AGBL4: variants seen among roughly 807,000 people sequenced by gnomAD.
AGBL4 encodes the protein AGBL carboxypeptidase 4, also known as cytosolic carboxypeptidase 6.
A neutral mutation model predicts 66.4 loss-of-function variants in AGBL4; 58 were observed. The observed-to-expected ratio is 0.87, with a 90% CI of 0.71 to 1.09. The LOEUF is 1.09. Ranked by LOEUF, AGBL4 falls within the 50% of genes least tolerant of loss-of-function variation. AGBL4 has a pLI of 0.00. For synonymous variants in AGBL4, 234 were observed against 222.9 expected (o/e 1.05, Z -0.44); for missense variants, 579 against 631.0 (o/e 0.92, Z 0.88).
chr1:49,918,161 C>T (rs1170491818), intron 1 of AGBL4, among the ~76,000 whole-genome samples: 2 of 152,042 alleles, frequency 1.3e-5, no homozygotes, highest in African/African-American at 4.8e-5. Context: ...ATCCTAACAT[C>T]ACAATTGAAA....
At chr1:48,565,363 G>A (rs1644460294) in intron 11 of AGBL4, among the ~76,000 whole-genome samples, 1 of 152,172 alleles carries the variant, frequency 6.6e-6, no homozygotes, top group Non-Finnish European at 1.5e-5. Context: ...GACAGGAAGT[G>A]GAGCTGGGCT....
intron 5 of AGBL4, among the ~76,000 whole-genome samples, chr1:49,022,776 A>C (rs1239020577): frequency 1.3e-5 from 2 of 152,206 alleles, no homozygotes; most frequent in Non-Finnish European, 2.9e-5. Context: ...ATAGGTATTA[A>C]TAAGGTGTAT....
intron 5 of AGBL4, among the ~76,000 whole-genome samples, chr1:48,914,388 C>T (rs1274622276): frequency 6.6e-6 from 1 of 151,760 alleles, no homozygotes; most frequent in East Asian, 1.9e-4. Flanking sequence ...TTGAGTGGGG[C>T]AGATGCCAAT....
chr1:49,548,410 G>T (rs1292730159), intron 3 of AGBL4, among the ~76,000 whole-genome samples: 2 of 152,118 alleles, frequency 1.3e-5, no homozygotes, highest in Non-Finnish European at 2.9e-5. Flanking sequence ...TTGGCTGTGG[G>T]TTTGTCATAG....
intron 9 of AGBL4, among the ~76,000 whole-genome samples, chr1:48,614,665 G>T (rs962073184): frequency 6.6e-6 from 1 of 152,166 alleles, no homozygotes; most frequent in Non-Finnish European, 1.5e-5. Flanking sequence ...ACATCCAGCA[G>T]TCTTTTAGGT....
intron 3 of AGBL4, among the ~76,000 whole-genome samples, chr1:49,518,998 A>C (rs915793206): frequency 5.9e-5 from 9 of 152,104 alleles, no homozygotes; most frequent in African/African-American, 2.2e-4. Context: ...AAAGAGGTTT[A>C]TACAATTATT....
At chr1:49,343,445 G>T (rs1557856054) in intron 3 of AGBL4, among the ~76,000 whole-genome samples, 1 of 152,166 alleles carries the variant, frequency 6.6e-6, no homozygotes, top group African/African-American at 2.4e-5. Flanking sequence ...GCTAATGGAA[G>T]TTATGGAGGG....
At chr1:49,113,733 T>A (rs1173590545) in intron 4 of AGBL4, among the ~76,000 whole-genome samples, 1 of 152,226 alleles carries the variant, frequency 6.6e-6, no homozygotes, top group Admixed American at 6.5e-5. Context: ...GCAAAATGGA[T>A]GTAGCGTTAG....
chr1:49,210,031 G>T (rs1164088052), intron 4 of AGBL4, among the ~76,000 whole-genome samples: 1 of 152,088 alleles, frequency 6.6e-6, no homozygotes, highest in African/African-American at 2.4e-5. Context: ...AGTGAAAAGT[G>T]TAAGACGGGG....
chr1:49,552,595 T>C (rs1476216654), intron 3 of AGBL4, among the ~76,000 whole-genome samples: 1 of 152,218 alleles, frequency 6.6e-6, no homozygotes, highest in Non-Finnish European at 1.5e-5. Context: ...GAGTGTGTCC[T>C]TGGGAGAGGA....
chr1:50,022,609 C>A (rs1662526085), intron 1 of AGBL4, among the ~76,000 whole-genome samples: 1 of 111,952 alleles, frequency 8.9e-6, no homozygotes. Context: ...GTGTATGTAC[C>A]ATAACCACAC....
intron 5 of AGBL4, among the ~76,000 whole-genome samples, chr1:48,964,191 A>G (rs1315886280): frequency 6.6e-6 from 1 of 152,220 alleles, no homozygotes; most frequent in South Asian, 2.1e-4. Context: ...CCCATGTCTT[A>G]GGACAAAATG....
chr1:48,903,324 C>T (rs950705993), intron 5 of AGBL4, among the ~76,000 whole-genome samples: 12 of 152,326 alleles, frequency 7.9e-5, no homozygotes, highest in Middle Eastern at 6.8e-3. Context: ...AGTGCAGAGT[C>T]GGTGCCTGAG....
intron 3 of AGBL4, among the ~76,000 whole-genome samples, chr1:49,543,005 G>A (rs530578455): frequency 6.6e-6 from 1 of 151,038 alleles, no homozygotes; most frequent in South Asian, 2.1e-4. Context: ...GAGATGATTG[G>A]CATATGGCTA....
At chr1:49,608,948 A>C (rs1480966816) in intron 3 of AGBL4, among the ~76,000 whole-genome samples, 1 of 152,152 alleles carries the variant, frequency 6.6e-6, no homozygotes, top group Non-Finnish European at 1.5e-5. Context: ...GCCATTTTAC[A>C]AATGAGAAAT....
chr1:49,738,723 C>T (rs1305570510), intron 2 of AGBL4, among the ~76,000 whole-genome samples: 4 of 152,200 alleles, frequency 2.6e-5, no homozygotes, highest in Non-Finnish European at 5.9e-5. Flanking sequence ...GAGGAACGAT[C>T]AGGCAGCAAC....
intron 4 of AGBL4, among the ~76,000 whole-genome samples, chr1:49,085,231 G>A (rs1644883622): frequency 6.6e-6 from 1 of 151,706 alleles, no homozygotes; most frequent in Non-Finnish European, 1.5e-5. Context: ...TGACATTCCT[G>A]GTTCTTAGCT....
chr1:49,633,993 A>G (rs1032889663), intron 3 of AGBL4, among the ~76,000 whole-genome samples: 2 of 150,854 alleles, frequency 1.3e-5, no homozygotes, highest in Non-Finnish European at 3.0e-5. Context: ...TATTCAAAAT[A>G]TTATTTCAAC....
At chr1:49,508,646 G>A (rs1459350121) in intron 3 of AGBL4, among the ~76,000 whole-genome samples, 1 of 151,878 alleles carries the variant, frequency 6.6e-6, no homozygotes, top group Non-Finnish European at 1.5e-5. Flanking sequence ...ATATTCATGG[G>A]TTTAAATCCC....
Sources: gnomAD v4.1 joint callset for allele counts (sites outside exome capture counted in the v4.1 genomes callset) on GRCh38, gnomAD v4.1.1 for gene constraint, MANE v1.5 for transcripts, NCBI Gene and HGNC (gene_info 2026-07-23, HGNC 2026-07-21) for gene names.